Variants in LINGO2 observed in about 807,000 individuals in gnomAD.
LINGO2 encodes the protein leucine rich repeat and Ig domain containing 2.
A neutral mutation model predicts 30.6 loss-of-function variants in LINGO2; 14 were observed. The ratio of observed to expected loss-of-function variants is 0.46; its 90% CI spans 0.30 to 0.72. The LOEUF is 0.72. LINGO2 is among the 30% of genes least tolerant of loss of function. The pLI is 0.07. For synonymous variants in LINGO2, 317 were observed against 288.5 expected (o/e 1.10, Z -1.00); for missense variants, 729 against 751.7 (o/e 0.97, Z 0.35).
At chr9:29,012,030 T>G in the LINGO2 span, among the ~76,000 whole-genome samples, 1 of 152,118 alleles carries the variant, frequency 6.6e-6, no homozygotes. Flanking sequence ...GATAAGAACT[T>G]TGATTGCATA....
chr9:29,202,678 T>C, the LINGO2 span, among the ~76,000 whole-genome samples: 1 of 152,106 alleles, frequency 6.6e-6, no homozygotes, highest in Non-Finnish European at 1.5e-5. Context: ...TTTATTTCTA[T>C]TGAATCAAAC....
chr9:28,856,102 A>C, the LINGO2 span, among the ~76,000 whole-genome samples: 1 of 152,012 alleles, frequency 6.6e-6, no homozygotes, highest in African/African-American at 2.4e-5. Context: ...AAGTGGGCCA[A>C]ATTACAGTTG....
At chr9:29,084,970 A>G in the LINGO2 span, among the ~76,000 whole-genome samples, 1 of 150,720 alleles carries the variant, frequency 6.6e-6, no homozygotes, top group Non-Finnish European at 1.5e-5. Context: ...TACAAGGTCA[A>G]CTACACATGT....
intron 4 of LINGO2, among the ~76,000 whole-genome samples, chr9:28,204,045 T>C (rs561788731): frequency 2.6e-5 from 4 of 152,302 alleles, no homozygotes; most frequent in South Asian, 4.1e-4. Flanking sequence ...AACGTTTTTA[T>C]TGAATGCCAC....
chr9:28,784,705 G>T, the LINGO2 span, among the ~76,000 whole-genome samples: 1 of 152,130 alleles, frequency 6.6e-6, no homozygotes. Flanking sequence ...TGTAATCCCA[G>T]CACTTTGGGA....
chr9:28,094,899 T>C (rs777627924), intron 4 of LINGO2, among the ~76,000 whole-genome samples: 3 of 152,122 alleles, frequency 2.0e-5, no homozygotes, highest in Admixed American at 6.6e-5. Context: ...TAATGCACTC[T>C]ACATGGCCTC....
chr9:28,226,679 GAA>G (rs1376094745), intron 4 of LINGO2, among the ~76,000 whole-genome samples: 1 of 94,862 alleles, frequency 1.1e-5, no homozygotes, highest in African/African-American at 5.8e-5. Flanking sequence ...AAGAAAGAAA[GAA>G]AGAAAGAAAG....
chr9:29,039,718 G>A, the LINGO2 span, among the ~76,000 whole-genome samples: 21 of 152,222 alleles, frequency 1.4e-4, no homozygotes, highest in South Asian at 3.9e-3. Context: ...TCAATTCCAG[G>A]GACAGGCCTG....
intron 4 of LINGO2, among the ~76,000 whole-genome samples, chr9:28,018,693 C>T (rs758218629): frequency 1.3e-5 from 2 of 151,942 alleles, no homozygotes; most frequent in Non-Finnish European, 2.9e-5. Context: ...CAAAAAAAAT[C>T]ACAGATGAAG....
chr9:28,036,053 G>C (rs910954889), intron 4 of LINGO2, among the ~76,000 whole-genome samples: 1 of 152,192 alleles, frequency 6.6e-6, no homozygotes, highest in African/African-American at 2.4e-5. Flanking sequence ...GATTTAGGAA[G>C]CATCTCTACA....
At chr9:29,193,954 C>T in the LINGO2 span, among the ~76,000 whole-genome samples, 1 of 152,198 alleles carries the variant, frequency 6.6e-6, no homozygotes, top group Non-Finnish European at 1.5e-5. Context: ...CCTCAAATCA[C>T]TGCAGTCTGA....
downstream of LINGO2, among the ~76,000 whole-genome samples, chr9:27,945,524 C>T (rs1823331917): frequency 1.3e-5 from 2 of 152,072 alleles, no homozygotes; most frequent in African/African-American, 4.8e-5. Context: ...GGAATGAAAA[C>T]CAACTGGAGT....
At chr9:28,764,125 C>A in the LINGO2 span, among the ~76,000 whole-genome samples, 1 of 146,648 alleles carries the variant, frequency 6.8e-6, no homozygotes, top group East Asian at 1.9e-4. Flanking sequence ...AATTCTTGAA[C>A]TCTTTTTAAA....
chr9:28,139,791 A>T (rs1298474009), intron 4 of LINGO2, among the ~76,000 whole-genome samples: 1 of 152,224 alleles, frequency 6.6e-6, no homozygotes, highest in African/African-American at 2.4e-5. Flanking sequence ...AAGCATAGAG[A>T]AAACTATGTT....
At chr9:28,561,722 A>G in intron 1 of LINGO2, among the ~76,000 whole-genome samples, 3 of 96,804 alleles carry the variant, frequency 3.1e-5, no homozygotes, top group Non-Finnish European at 6.2e-5. Flanking sequence ...ATATAAATGT[A>G]TTATATATAA....
At chr9:28,768,126 C>T in the LINGO2 span, among the ~76,000 whole-genome samples, 5 of 152,148 alleles carry the variant, frequency 3.3e-5, no homozygotes, top group African/African-American at 1.2e-4. Context: ...GTGACTATCC[C>T]TTATTTGGCT....
chr9:28,291,893 G>A (rs1401330321), intron 4 of LINGO2, among the ~76,000 whole-genome samples: 1 of 152,120 alleles, frequency 6.6e-6, no homozygotes, highest in African/African-American at 2.4e-5. Flanking sequence ...TTACCATTAG[G>A]CAAGTCATCA....
rs146429540 is a variant in LINGO2 at position 28,636,487 on chromosome 9, T to C, written c.-365+33713A>G. ...TCTCCACATCGTCTCCAGCACCTGTTGTTGCCTGACTTTTTAATGATTGCC... is the reference window on the plus strand; with the variant it reads ...TCTCCACATCGTCTCCAGCACCTGTCGTTGCCTGACTTTTTAATGATTGCC... On this transcript the variant is annotated intron_variant, in intron 1 of 5. Coordinates refer to ENST00000379992, the Ensembl canonical transcript of LINGO2. 1.3e-3 allele frequency among the ~76,000 whole-genome samples: 196 copies of C among 152,298 alleles called. 2 individuals are homozygous for C. The highest frequency in any genetic ancestry group is 4.5e-3 in the African/African-American group (189 of 41,568).
the LINGO2 span, among the ~76,000 whole-genome samples, chr9:28,924,117 G>A: frequency 1.5e-3 from 234 of 152,258 alleles, no homozygotes; most frequent in African/African-American, 5.4e-3. Context: ...ATCTTGGCAC[G>A]TGCCCTGTGT....
Sources: gnomAD v4.1 joint callset for allele counts (sites outside exome capture counted in the v4.1 genomes callset) on GRCh38, gnomAD v4.1.1 for gene constraint, MANE v1.5 for transcripts, NCBI Gene and HGNC (gene_info 2026-07-23, HGNC 2026-07-21) for gene names.